Variants in COLEC11 observed in about 807,000 individuals in gnomAD.
COLEC11 encodes collectin-11.
COLEC11 carries 20 observed loss-of-function variants against 27.3 expected under a neutral mutation model. That is an observed-to-expected ratio of 0.73 (90% confidence interval 0.51 to 1.06). COLEC11 has a LOEUF of 1.06. Among genes scored for constraint, COLEC11 ranks in the 50% least tolerant of loss-of-function variants. The pLI, the probability that COLEC11 is intolerant of heterozygous loss-of-function variation, is 0.00. For synonymous variants in COLEC11, 163 were observed against 154.7 expected, an observed-to-expected ratio of 1.05 and a Z score of -0.40; for missense variants, 310 against 383.0, an observed-to-expected ratio of 0.81 and a Z score of 1.59.
chr2:3,607,737 A>G (rs4850064), intron 2 of COLEC11, among the ~76,000 whole-genome samples: 1 of 152,104 alleles, frequency 6.6e-6, no homozygotes, highest in African/African-American at 2.4e-5. Flanking sequence ...GTGTGAGCCA[A>G]CATACCTGGC....
At chr2:3,603,876 T>C (rs1265481404) in intron 1 of COLEC11, 3 of 597,656 alleles carry the variant, frequency 5.0e-6, no homozygotes, top group East Asian at 2.8e-5. Flanking sequence ...CCGCTAAGCT[T>C]GGGGCTCCTC....
intron 3 of COLEC11, among the ~76,000 whole-genome samples, chr2:3,615,911 T>C (rs1170898714): frequency 2.4e-5 from 3 of 126,110 alleles, no homozygotes; most frequent in African/African-American, 8.6e-5. Flanking sequence ...GCCCCCCACC[T>C]CCCTCCCGGA....
intron 2 of COLEC11, chr2:3,606,333 T>C: frequency 1.8e-6 from 2 of 1,133,810 alleles, no homozygotes; most frequent in Non-Finnish European, 2.6e-6. Flanking sequence ...GGAGGGTCCT[T>C]CCCAGCTGTC....
At chr2:3,637,705 T>A (rs942811797) in intron 4 of COLEC11, 101 bp downstream of exon 4, 1 of 961,592 alleles carries the variant, frequency 1.0e-6, no homozygotes, top group Non-Finnish European at 1.7e-6. Context: ...CGTCTGGTGC[T>A]CTTATTTATA....
At chr2:3,609,289 G>C (rs897301900) in intron 2 of COLEC11, among the ~76,000 whole-genome samples, 1 of 99,170 alleles carries the variant, frequency 1.0e-5, no homozygotes, top group African/African-American at 3.3e-5. Context: ...ACAGTGTAAT[G>C]TGTGGTGCTT....
chr2:3,607,301 C>T lies in COLEC11; in HGVS notation c.130+2831C>T, dbSNP rs1039140678. ...TTTACATTTAGAGAGAATGACAACT[C>T]CTTTTAATGGGAAAAAAGTCTTTTT... On this transcript the variant is annotated intron_variant, in intron 2 of 6. Coordinates refer to ENST00000349077, the MANE Select transcript of COLEC11 (RefSeq NM_024027.5). Among the ~76,000 whole-genome samples, 19 of 151,228 alleles carry T rather than the reference C, an allele frequency of 1.3e-4. No homozygotes were observed. The South Asian group carries it at 3.7e-3, about 30-fold the overall frequency.
intron 1 of COLEC11, among the ~76,000 whole-genome samples, chr2:3,599,043 G>A (rs1027549731): frequency 6.9e-5 from 4 of 57,848 alleles, no homozygotes; most frequent in African/African-American, 3.1e-4. Flanking sequence ...GAGGGTAGTC[G>A]GGCAGAAAGA....
intron 3 of COLEC11, chr2:3,617,562 C>G: frequency 1.2e-6 from 2 of 1,602,204 alleles, no homozygotes; most frequent in Non-Finnish European, 1.7e-6. Flanking sequence ...GATTTGCCTG[C>G]TTGCTTCTCC....
At chr2:3,641,440 A>T (rs1665862047) in intron 5 of COLEC11, 1 of 1,278,456 alleles carries the variant, frequency 7.8e-7, no homozygotes, top group African/African-American at 1.5e-5. Context: ...GAGGCAGGTG[A>T]CGGCGGGGCA....
intron 1 of COLEC11, chr2:3,603,940 A>T: frequency 3.5e-6 from 2 of 572,058 alleles, no homozygotes; most frequent in Non-Finnish European, 6.2e-6. Flanking sequence ...CGCTGTGCCC[A>T]GCTCTGCAGA....
At position 3,597,365 on chromosome 2, in the gene COLEC11, C is replaced by CG. The variant is rs1661916725; in HGVS notation, c.-27+2197_-27+2198insG. ...AATGGAGTGAAGGCATGAGAAATCCCACCTGGGCTGCTCCGGGGTCAGCGG... is the reference window on the plus strand; with the variant it reads ...AATGGAGTGAAGGCATGAGAAATCCCGACCTGGGCTGCTCCGGGGTCAGCGG... On this transcript the variant is annotated intron_variant, in intron 1 of 6. Coordinates refer to ENST00000349077, the MANE Select transcript of COLEC11 (RefSeq NM_024027.5). Among the ~76,000 whole-genome samples the CG allele has an allele frequency of 2.7e-5, 4 of 147,502 alleles. No homozygotes were observed. In the South Asian group the frequency reaches 8.7e-4, roughly 32 times the overall value.
chr2:3,614,052 C>A (rs1392450335), intron 3 of COLEC11, among the ~76,000 whole-genome samples: 1 of 148,540 alleles, frequency 6.7e-6, no homozygotes, highest in Admixed American at 6.8e-5. Context: ...TCTTGGCTCA[C>A]TGTAACCTTC....
intron 3 of COLEC11, among the ~76,000 whole-genome samples, chr2:3,627,492 G>A (rs1339678395): frequency 6.6e-6 from 1 of 151,098 alleles, no homozygotes. Flanking sequence ...TGAGCACGAC[G>A]ATGGGGTGGA....
At chr2:3,619,926 G>T (rs541661288) in intron 3 of COLEC11, among the ~76,000 whole-genome samples, 1 of 152,110 alleles carries the variant, frequency 6.6e-6, no homozygotes, top group East Asian at 1.9e-4. Flanking sequence ...GCTCCCGGCC[G>T]TGTATAATCT....
rs7576794 is a variant in COLEC11, at chr2:3,617,811, A to G, written c.202+4429A>G. 7.3e-3 allele frequency: 5,349 copies of G among 734,612 alleles called. 192 individuals are homozygous for G. In the African/African-American group the frequency reaches 0.079, roughly 11 times the overall value. The allele number at this position is 734,612 out of a possible 1,614,324, so 45.5% of individuals were successfully genotyped here. The stretch of plus-strand genomic sequence containing the variant: ...TGTACTGTTTTCCATTCCCACCAGC[A>G]ATGTCTAAGGGCTCGCCTTTCTCCA... On this transcript the variant is annotated intron_variant, in intron 3 of 6. Coordinates refer to ENST00000349077, the MANE Select transcript of COLEC11 (RefSeq NM_024027.5).
chr2:3,600,503 C>T (rs559098181), intron 1 of COLEC11, among the ~76,000 whole-genome samples: 118 of 152,302 alleles, frequency 7.7e-4, no homozygotes, highest in African/African-American at 2.6e-3. Context: ...TGCAGTGAGC[C>T]AAGATGCACT....
At chr2:3,632,510 G>A (rs950250541) in intron 3 of COLEC11, among the ~76,000 whole-genome samples, 1 of 152,160 alleles carries the variant, frequency 6.6e-6, no homozygotes, top group Non-Finnish European at 1.5e-5. Flanking sequence ...CTCCATGCAT[G>A]CACAATCCCG....
rs1427075629 is a variant in COLEC11 at position 3,605,315 on chromosome 2, A to G, written c.130+845A>G. On this transcript the variant is annotated intron_variant, in intron 2 of 6. Coordinates refer to ENST00000349077, the MANE Select transcript of COLEC11 (RefSeq NM_024027.5). ...GTGGGTGCCGAGGAGGGGGCGGGGGAGTCACGTGGGTGCCGAGGAGGGGGC... is the reference window on the plus strand; with the variant it reads ...GTGGGTGCCGAGGAGGGGGCGGGGGGGTCACGTGGGTGCCGAGGAGGGGGC... Among the ~76,000 whole-genome samples, 19 of 43,930 alleles carry G rather than the reference A, an allele frequency of 4.3e-4. 1 individual carries two copies. The highest frequency in any genetic ancestry group is 6.6e-4 in the Admixed American group (2 of 3,052). 28.8% of individuals were successfully genotyped at this position (43,930 alleles called of 152,430 possible). A position where few individuals can be genotyped will look rare whatever the true frequency, so the allele number is the denominator to read the frequency against.
At chr2:3,615,587 T>C (rs1663611267) in intron 3 of COLEC11, among the ~76,000 whole-genome samples, 1 of 152,254 alleles carries the variant, frequency 6.6e-6, no homozygotes, top group South Asian at 2.1e-4. Flanking sequence ...TTTCCCCACA[T>C]TTCCCCCTTT....
Sources: allele counts gnomAD v4.1 joint callset (sites outside exome capture counted in the v4.1 genomes callset), GRCh38; gene constraint gnomAD v4.1.1; transcripts MANE v1.5; gene names NCBI Gene and HGNC (gene_info 2026-07-23, HGNC 2026-07-21).